The following ACSM2A variants were observed in gnomAD, a reference collection of about 807,000 sequenced individuals.
ACSM2A encodes acyl-CoA synthetase medium chain family member 2A.
Under a neutral mutation model 76.6 loss-of-function variants are expected in ACSM2A, and 72 were observed. The observed-to-expected ratio is 0.94, with a 90% CI of 0.78 to 1.14. ACSM2A has a LOEUF of 1.14. ACSM2A is among the 50% of genes most tolerant of loss of function. The probability of loss-of-function intolerance (pLI) is 0.00; values close to 1 mark genes in which losing one functional copy is unlikely to be tolerated. For missense variants in ACSM2A, 684 were observed against 708.5 expected (o/e 0.97, Z 0.39); for synonymous variants, 249 against 255.9 (o/e 0.97, Z 0.26).
chr16:20,470,028 A>AG (rs2013288260), intron 4 of ACSM2A, among the ~76,000 whole-genome samples: 1 of 151,876 alleles, frequency 6.6e-6, no homozygotes. Flanking sequence ...CCACAGGTTC[A>AG]GGGTTGTCCT....
At chr16:20,459,122 T>A (rs2012444746) in intron 1 of ACSM2A, among the ~76,000 whole-genome samples, 1 of 151,614 alleles carries the variant, frequency 6.6e-6, no homozygotes, top group Non-Finnish European at 1.5e-5. Context: ...ATGAGAATGA[T>A]ACAATAAACT....
At chr16:20,457,510 G>C (rs756792389) in intron 1 of ACSM2A, among the ~76,000 whole-genome samples, 8 of 151,982 alleles carry the variant, frequency 5.3e-5, no homozygotes, top group Non-Finnish European at 1.0e-4. Flanking sequence ...ATGGTTTAAC[G>C]TACACAGGTC....
Position 20,465,497 on chromosome 16 carries a change from C to T in ACSM2A, c.178-20C>T, listed in dbSNP as rs1188130622. On this transcript the variant is annotated intron_variant, in intron 2 of 13. Transcript: ENST00000573854. The stretch of plus-strand genomic sequence containing the variant: ...TTGTGTACCAATGCCCCCTGATCAA[C>T]AGGGCTTCTCTTTCCTCAGGCTGGC... 2 of 1,613,202 alleles carry T rather than the reference C, an allele frequency of 1.2e-6. No individual in the cohort carries two copies. The highest frequency in any genetic ancestry group is 1.1e-5 in the South Asian group (1 of 91,002).
intron 9 of ACSM2A, among the ~76,000 whole-genome samples, chr16:20,477,999 T>G (rs2013849471): frequency 2.0e-5 from 3 of 152,206 alleles, no homozygotes; most frequent in Admixed American, 2.0e-4. Context: ...TGTGTTTGTG[T>G]ATCTGTGTTA....
Position 20,469,533 on chromosome 16 carries a change from C to A in ACSM2A, c.410C>A (p.Thr137Asn). Reference protein sequence around the residue: ...IRAGLIFMPGTIQMKSTDILY... With the variant: ...IRAGLIFMPGNIQMKSTDILY... ...TTAGGTCTCATCTTTATGCCTGGAA[C>A]CATCCAGATGAAATCCACTGACATA... Residue 137 changes from threonine (T) to asparagine (N), a missense_variant, in exon 4 of 14, where the codon ACC (threonine) becomes AAC (asparagine). Coordinates refer to ENST00000573854, the MANE Select transcript of ACSM2A (RefSeq NM_001308172.2). The A allele has an allele frequency of 3.7e-6, 6 of 1,613,260 alleles. No homozygotes were observed. Among genetic ancestry groups the A allele is most frequent in the Non-Finnish European group, 5.1e-6 (6 of 1,179,336 alleles).
chr16:20,486,496 C>T, intron 13 of ACSM2A, 78 bp from the exon 14 acceptor site: 3 of 1,510,828 alleles, frequency 2.0e-6, no homozygotes, highest in Admixed American at 1.7e-5. Context: ...AACTTCCCCT[C>T]ACCCTACAGC....
intron 8 of ACSM2A, chr16:20,477,168 C>T: frequency 1.1e-6 from 1 of 932,112 alleles, no homozygotes; most frequent in East Asian, 3.0e-5. Context: ...TGGGTTGCTT[C>T]CTGAACTAAC....
intron 1 of ACSM2A, among the ~76,000 whole-genome samples, chr16:20,458,616 A>T (rs1245674909): frequency 7.0e-6 from 1 of 142,568 alleles, no homozygotes; most frequent in Non-Finnish European, 1.5e-5. Context: ...ATATATATGT[A>T]TTTTTTGCCA....
chr16:20,467,757 T>C (rs1460047484), intron 3 of ACSM2A, among the ~76,000 whole-genome samples: 1 of 152,164 alleles, frequency 6.6e-6, no homozygotes, highest in South Asian at 2.1e-4. Flanking sequence ...CCATGTGATG[T>C]TCAAGAAGTG....
Position 20,478,622 on chromosome 16 carries a change from A to C in ACSM2A, c.1226A>C (p.Asp409Ala), listed in dbSNP as rs775290899. 3.7e-6 allele frequency: 6 copies of C among 1,613,732 alleles called. No homozygotes were observed. In the East Asian group the frequency reaches 1.3e-4, roughly 36 times the overall value. The change falls in exon 10 of 14, where the codon GAC (aspartate) becomes GCC (alanine). Residue 409 changes from aspartate to alanine, a missense_variant. This residue lies in a region of ACSM2A where 519 missense variants were observed against 549.5 expected (regional missense o/e 0.94). Coordinates refer to ENST00000573854, the MANE Select transcript of ACSM2A (RefSeq NM_001308172.2). ...GTCCTGCCCCCCGGCACAGAAGGAG[A>C]CATTGGCATCAGGGTCAAACCCATC... ...GNVLPPGTEG[D>A]IGIRVKPIRP...
At chr16:20,462,698 G>T (rs372334681) in intron 2 of ACSM2A, among the ~76,000 whole-genome samples, 1 of 152,068 alleles carries the variant, frequency 6.6e-6, no homozygotes, top group Non-Finnish European at 1.5e-5. Context: ...ATAAAACAGA[G>T]AAATTAGAAC....
At position 20,480,608 on chromosome 16, in the gene ACSM2A, A is replaced by C. The variant is rs761354255; in HGVS notation, c.1317A>C (p.Gly439=). 1.2e-5 allele frequency: 20 copies of C among 1,613,640 alleles called. No homozygotes were observed. The highest frequency in any genetic ancestry group is 1.6e-4 in the Middle Eastern group (1 of 6,074). The part of the protein sequence containing the change: ...NPDKTAANIR[G]DFWLLGDRGI... ...ACAAGACAGCAGCCAACATTCGAGG[A>C]GACTTTTGGCTCCTTGGAGACCGGG... Residue 439 remains glycine, a synonymous_variant, in exon 11 of 14, where the codon GGA becomes GGC. Transcript: ENST00000573854.
Position 20,483,069 on chromosome 16 carries a change from A to G in ACSM2A, c.1521A>G (p.Ala507=), listed in dbSNP as rs769610790. The change falls in exon 13 of 14, where the codon GCA becomes GCG. Residue 507 remains alanine, a synonymous_variant. Coordinates refer to ENST00000573854, the MANE Select transcript of ACSM2A (RefSeq NM_001308172.2). ...PDPVRGEVVK[A]FVVLASQFLS... The stretch of plus-strand genomic sequence containing the variant: ...CATCTTTTTTGCAGGTGGTGAAGGC[A>G]TTTGTGGTCCTGGCCTCGCAGTTCC... The G allele has an allele frequency of 1.9e-6, 3 of 1,613,790 alleles. No individual in the cohort carries two copies. The highest frequency in any genetic ancestry group is 2.7e-5 in the African/African-American group (2 of 74,876).
At chr16:20,469,012 T>G in intron 3 of ACSM2A, among the ~76,000 whole-genome samples, 1 of 152,220 alleles carries the variant, frequency 6.6e-6, no homozygotes, top group Admixed American at 6.5e-5. Flanking sequence ...AACTATACTT[T>G]GTGTGTACAT....
At chr16:20,482,241 G>A (rs2014130335) in intron 12 of ACSM2A, 1 of 151,842 alleles carries the variant, frequency 6.6e-6, no homozygotes, top group Non-Finnish European at 1.5e-5. Flanking sequence ...CTATTTTGAT[G>A]AGGCTGGAAG....
Position 20,480,838 on chromosome 16 carries a change from T to C in ACSM2A, c.1426T>C (p.Ser476Pro). The change falls in exon 12 of 14, where the codon TCG becomes CCG. Residue 476 changes from serine (S) to proline (P), a missense_variant. By Grantham distance (74) the Ser-to-Pro change is moderately conservative (BLOSUM62 -1). Transcript: ENST00000573854. ...CTTCTGCAGGTACCGGATTGGACCC[T>C]CGGAGGTAGAGAATGCACTGATGGA... ...INSSGYRIGP[S>P]EVENALMEHP... 6.2e-7 allele frequency: 1 copy of C among 1,613,914 alleles called. No homozygotes were observed. The highest frequency in any genetic ancestry group is 8.5e-7 in the Non-Finnish European group (1 of 1,179,868).
intron 2 of ACSM2A, among the ~76,000 whole-genome samples, 192 bp from the exon 3 acceptor site, chr16:20,465,325 A>G (rs2012917262): frequency 2.6e-5 from 4 of 152,174 alleles, no homozygotes; most frequent in Admixed American, 2.0e-4. Flanking sequence ...AATATCTACT[A>G]TGGTAGATAT....
intron 6 of ACSM2A, 108 bp from the exon 7 acceptor site, chr16:20,475,254 T>C: frequency 1.3e-6 from 2 of 1,582,388 alleles, no homozygotes; most frequent in Non-Finnish European, 1.7e-6. Context: ...GCTAGGGTTT[T>C]CATCCAGACC....
intron 2 of ACSM2A, among the ~76,000 whole-genome samples, chr16:20,462,233 T>G (rs1223566992): frequency 6.6e-6 from 1 of 152,150 alleles, no homozygotes; most frequent in African/African-American, 2.4e-5. Flanking sequence ...GAACAATGGC[T>G]GGTTATTGCT....
Sources: allele counts gnomAD v4.1 joint callset (sites outside exome capture counted in the v4.1 genomes callset), GRCh38; gene constraint gnomAD v4.1.1; regional missense constraint gnomAD v4.1.1; transcripts MANE v1.5; gene names NCBI Gene and HGNC (gene_info 2026-07-23, HGNC 2026-07-21).